Variants in PFKP observed in about 807,000 individuals in gnomAD.
PFKP encodes the protein ATP-dependent 6-phosphofructokinase, platelet type.
In PFKP, 101 loss-of-function variants were observed where a neutral mutation model predicts 94.3. That is an observed-to-expected ratio of 1.07 (90% CI 0.91 to 1.26). PFKP has a LOEUF of 1.26. Ranked by LOEUF, PFKP falls within the 50% of genes most tolerant of loss-of-function variation. The pLI is 0.00. For synonymous variants in PFKP, 573 were observed against 432.6 expected (o/e 1.32, Z -4.03); for missense variants, 1,145 against 1,103.3 (o/e 1.04, Z -0.53).
At chr10:3,074,269 G>A (rs369998888) in intron 1 of PFKP, among the ~76,000 whole-genome samples, 4 of 152,340 alleles carry the variant, frequency 2.6e-5, no homozygotes, top group Non-Finnish European at 4.4e-5. Context: ...GTGCGGGTAC[G>A]ACGTGCCTGT....
Position 3,118,854 on chromosome 10 carries a change from C to G in PFKP, c.1515C>G (p.Ile505Met). The G allele has an allele frequency of 6.2e-7, 1 of 1,612,782 alleles. No homozygotes were observed. The highest frequency in any genetic ancestry group is 8.5e-7 in the Non-Finnish European group (1 of 1,179,042). The change falls in exon 15 of 22, where the codon ATC becomes ATG. Residue 505 changes from isoleucine (I) to methionine (M), a missense_variant. Ile to Met is a conservative substitution (Grantham distance 10). Coordinates refer to ENST00000381125, the MANE Select transcript of PFKP (RefSeq NM_002627.5). ...MRTHSINALL[I>M]IGGFEAYLGL... ...CGCACAGCATCAACGCGCTGCTGAT[C>G]ATCGGTGGATTCGAGGTACGTTACC...
At chr10:3,077,815 A>G (rs1422125819) in intron 1 of PFKP, among the ~76,000 whole-genome samples, 1 of 152,158 alleles carries the variant, frequency 6.6e-6, no homozygotes, top group East Asian at 1.9e-4. Context: ...CATATGAAGA[A>G]AGCGATTTAA....
At position 3,134,572 on chromosome 10, in the gene PFKP, C is replaced by A; in HGVS notation, c.2112C>A (p.Ala704=). 1 of 1,611,992 alleles carries A rather than the reference C, an allele frequency of 6.2e-7. No homozygotes were observed. The highest frequency in any genetic ancestry group is 1.7e-5 in the Admixed American group (1 of 60,024). The change falls in exon 20 of 22, where the codon GCC becomes GCA. Residue 704 remains alanine (A), a synonymous_variant. Transcript: ENST00000381125. The part of the protein sequence containing the change: ...MEWITAKLKE[A]RGRGKKFTTD... Reference sequence around the variant, plus strand: ...GGATCACTGCAAAACTCAAGGAGGCCCGGGGCAGAGGTAAGGGGTCTGGGG... The same window carrying A: ...GGATCACTGCAAAACTCAAGGAGGCACGGGGCAGAGGTAAGGGGTCTGGGG...
intron 20 of PFKP, 71 bp from the exon 21 acceptor site, chr10:3,135,665 C>T: frequency 1.1e-6 from 1 of 912,274 alleles, no homozygotes; most frequent in Non-Finnish European, 1.8e-6. Context: ...TCTCATCTCG[C>T]CCCGTGATTC....
chr10:3,099,624 GCT>G (rs1834787184), intron 3 of PFKP, among the ~76,000 whole-genome samples: 1 of 152,234 alleles, frequency 6.6e-6, no homozygotes, highest in Admixed American at 6.5e-5. Flanking sequence ...GCTGGTCCAG[GCT>G]CTCTCTGCAT....
intron 1 of PFKP, among the ~76,000 whole-genome samples, chr10:3,076,039 A>AG (rs1272145795): frequency 2.8e-5 from 4 of 140,558 alleles, no homozygotes; most frequent in African/African-American, 1.1e-4. Context: ...AAAAAAAAAA[A>AG]AGTAAAAACC....
chr10:3,089,852 C>T (rs116399283), intron 2 of PFKP, among the ~76,000 whole-genome samples: 23 of 152,044 alleles, frequency 1.5e-4, no homozygotes, highest in African/African-American at 5.5e-4. Context: ...ATTAACCATC[C>T]TTCTTTACAC....
intron 4 of PFKP, among the ~76,000 whole-genome samples, chr10:3,102,241 ACT>A (rs1383850066): frequency 5.7e-5 from 5 of 87,316 alleles, no homozygotes; most frequent in South Asian, 1.0e-3. Flanking sequence ...ACAGAGCGAG[ACT>A]CTGTCTCAAA....
At chr10:3,109,282 T>C in intron 9 of PFKP, 73 bp from the exon 10 acceptor site, 1 of 1,590,234 alleles carries the variant, frequency 6.3e-7, no homozygotes, top group South Asian at 1.1e-5. Context: ...TTGGACGTCA[T>C]GGAAAGATAG....
chr10:3,108,653 C>A, intron 8 of PFKP, 48 bp from the exon 9 acceptor site: 1 of 1,408,062 alleles, frequency 7.1e-7, no homozygotes. Context: ...ATCTGGGCTG[C>A]TGTGTCCGCA....
At chr10:3,105,691 C>T (rs746801866) in intron 7 of PFKP, among the ~76,000 whole-genome samples, 190 bp downstream of exon 7, 5 of 152,130 alleles carry the variant, frequency 3.3e-5, no homozygotes, top group African/African-American at 9.7e-5. Flanking sequence ...AGACTCAAGG[C>T]AGAAGAGGTT....
Position 3,108,683 on chromosome 10 carries a change from C to A in PFKP, c.871-18C>A, listed in dbSNP as rs375083687. The A allele has an allele frequency of 1.9e-5, 31 of 1,599,622 alleles. 1 individual carries two copies. The highest frequency in any genetic ancestry group is 2.6e-5 in the Non-Finnish European group (30 of 1,166,748). On this transcript the variant is annotated intron_variant, in intron 8 of 21. Transcript: ENST00000381125. ...TCCGCATCACAGTTCCGCATCCTAACGAGATGTTTCCTTGCAGCTTGTCGT... is the reference window on the plus strand; with the variant it reads ...TCCGCATCACAGTTCCGCATCCTAAAGAGATGTTTCCTTGCAGCTTGTCGT...
At position 3,121,812 on chromosome 10, in the gene PFKP, T is replaced by TC. The variant is rs1564339224; in HGVS notation, c.1683+1768_1683+1769insC. ...CAATTTCTTTTTTTTTCTTTTTTTTTTTTTTTTTTTTTTTTTTTCTTTTTT... is the reference window on the plus strand; with the variant it reads ...CAATTTCTTTTTTTTTCTTTTTTTTTCTTTTTTTTTTTTTTTTTTCTTTTTT... On this transcript the variant is annotated intron_variant, in intron 16 of 21. Transcript: ENST00000381125. Among the ~76,000 whole-genome samples the TC allele has an allele frequency of 1.2e-4, 9 of 75,674 alleles. 1 individual carries two copies. The highest frequency in any genetic ancestry group is 1.4e-4 in the African/African-American group (3 of 21,584). 49.6% of individuals were successfully genotyped at this position (75,674 alleles called of 152,430 possible).
At chr10:3,127,460 C>G (rs1386588615) in intron 16 of PFKP, among the ~76,000 whole-genome samples, 1 of 151,960 alleles carries the variant, frequency 6.6e-6, no homozygotes, top group Non-Finnish European at 1.5e-5. Flanking sequence ...TCAGGGTGGG[C>G]TGCGGGGGAG....
intron 2 of PFKP, among the ~76,000 whole-genome samples, chr10:3,091,021 G>A (rs1834004020): frequency 6.6e-6 from 1 of 152,110 alleles, no homozygotes; most frequent in Admixed American, 6.5e-5. Flanking sequence ...GGGAACAGTG[G>A]CGTTTCTGCT....
Position 3,118,839 on chromosome 10 carries a change from C to G in PFKP, c.1500C>G (p.Ile500Met), listed in dbSNP as rs1479449176. Reference protein sequence around the residue: ...EIATQMRTHSINALLIIGGFE... With the variant: ...EIATQMRTHSMNALLIIGGFE... ...CCACACAGATGCGCACGCACAGCAT[C>G]AACGCGCTGCTGATCATCGGTGGAT... Residue 500 changes from isoleucine (I) to methionine (M), a missense_variant, in exon 15 of 22, where the codon ATC (isoleucine) becomes ATG (methionine). By Grantham distance (10) the Ile-to-Met change is conservative (BLOSUM62 1). This residue lies in a region of PFKP where 1,119 missense variants were observed against 1,062.8 expected (regional missense o/e 1.05). Transcript: ENST00000381125. The G allele has an allele frequency of 1.2e-6, 2 of 1,613,516 alleles. No individual in the cohort carries two copies. The highest frequency in any genetic ancestry group is 2.7e-5 in the African/African-American group (2 of 74,930).
intron 20 of PFKP, among the ~76,000 whole-genome samples, chr10:3,135,090 C>A (rs1257403213): frequency 3.9e-5 from 6 of 152,162 alleles, no homozygotes; most frequent in Admixed American, 3.3e-4. Flanking sequence ...ACTGAAGTTT[C>A]AAGAAACATG....
chr10:3,105,598 A>T, intron 7 of PFKP, 97 bp downstream of exon 7: 1 of 833,980 alleles, frequency 1.2e-6, no homozygotes, highest in Non-Finnish European at 2.0e-6. Context: ...AAGTGAAAAA[A>T]TTTCTCTGTC....
chr10:3,099,848 TTC>T (rs1054186221), intron 3 of PFKP, among the ~76,000 whole-genome samples: 5 of 151,724 alleles, frequency 3.3e-5, no homozygotes, highest in African/African-American at 1.2e-4. Context: ...GAGTCTGTGT[TTC>T]TGTGTGTGGT....
Sources: gnomAD v4.1 joint callset for allele counts (sites outside exome capture counted in the v4.1 genomes callset) on GRCh38, gnomAD v4.1.1 for gene constraint, gnomAD v4.1.1 regional missense constraint, MANE v1.5 for transcripts, NCBI Gene and HGNC (gene_info 2026-07-23, HGNC 2026-07-21) for gene names.